Variants in TBC1D22A observed in about 807,000 individuals in gnomAD.
TBC1D22A encodes the protein putative GTPase activator.
Under a neutral mutation model 60.2 loss-of-function variants are expected in TBC1D22A, and 38 were observed. The ratio of observed to expected loss-of-function variants is 0.63; its 90% CI spans 0.49 to 0.83. TBC1D22A has a LOEUF of 0.83. Ranked by LOEUF, TBC1D22A falls within the 40% of genes least tolerant of loss-of-function variation. The pLI is 0.00. For synonymous variants in TBC1D22A, 302 were observed against 281.7 expected (o/e 1.07, Z -0.72); for missense variants, 628 against 701.0 (o/e 0.90, Z 1.18).
At chr22:47,001,930 T>C (rs190564069) in intron 10 of TBC1D22A, among the ~76,000 whole-genome samples, 7 of 152,238 alleles carry the variant, frequency 4.6e-5, no homozygotes, top group African/African-American at 1.4e-4. Context: ...TAATCTGTAT[T>C]ATCCTGCCTT....
intron 12 of TBC1D22A, among the ~76,000 whole-genome samples, chr22:47,126,638 A>G (rs542645098): frequency 1.3e-5 from 2 of 152,334 alleles, no homozygotes; most frequent in East Asian, 3.9e-4. Context: ...TTCTCTGGAA[A>G]CAGGAGTGAG....
intron 4 of TBC1D22A, among the ~76,000 whole-genome samples, chr22:46,801,725 T>C (rs2084905313): frequency 6.6e-6 from 1 of 152,084 alleles, no homozygotes; most frequent in African/African-American, 2.4e-5. Flanking sequence ...CCCTCAAGGC[T>C]TTCGAACGGT....
chr22:47,159,083 C>G (rs2067842070), intron 12 of TBC1D22A, among the ~76,000 whole-genome samples: 1 of 149,476 alleles, frequency 6.7e-6, no homozygotes, highest in Non-Finnish European at 1.5e-5. Flanking sequence ...ACAACACACA[C>G]CATGTATACA....
chr22:47,136,132 T>G (rs1055545065), intron 12 of TBC1D22A, among the ~76,000 whole-genome samples: 1 of 152,228 alleles, frequency 6.6e-6, no homozygotes, highest in Non-Finnish European at 1.5e-5. Flanking sequence ...CCTTGGATAC[T>G]CGGGGGCCAA....
At chr22:47,077,724 G>A (rs977191046) in intron 11 of TBC1D22A, among the ~76,000 whole-genome samples, 2 of 152,136 alleles carry the variant, frequency 1.3e-5, no homozygotes, top group African/African-American at 4.8e-5. Flanking sequence ...AGAAGCACGG[G>A]GACCATGGGA....
intron 4 of TBC1D22A, among the ~76,000 whole-genome samples, chr22:46,851,876 G>A (rs915947812): frequency 6.6e-6 from 1 of 152,212 alleles, no homozygotes; most frequent in African/African-American, 2.4e-5. Flanking sequence ...TGCCATGAAT[G>A]TCATGTTGGT....
At chr22:46,994,234 GCTAA>G (rs372110820) in intron 9 of TBC1D22A, among the ~76,000 whole-genome samples, 4 of 152,156 alleles carry the variant, frequency 2.6e-5, no homozygotes, top group South Asian at 2.1e-4. Context: ...TTTTATTTCT[GCTAA>G]CTGAGAGCCT....
At chr22:47,103,145 G>C (rs997293394) in intron 11 of TBC1D22A, among the ~76,000 whole-genome samples, 1 of 152,176 alleles carries the variant, frequency 6.6e-6, no homozygotes, top group Non-Finnish European at 1.5e-5. Flanking sequence ...CAGGCTCCTG[G>C]TAACCCAAGG....
In TBC1D22A at chr22:47,152,177, C is replaced by T. The variant is rs530119786; in HGVS notation, c.1426-21321C>T. Among the ~76,000 whole-genome samples, 9 of 152,356 alleles carry T rather than the reference C, an allele frequency of 5.9e-5. No homozygotes were observed. The South Asian group carries it at 1.9e-3, about 32-fold the overall frequency. ...TTAAGTGCTCTGAGATAAATTGTTA[C>T]TAATGTTGGGAAGCAGATCTTTTTG... On this transcript the variant is annotated intron_variant, in intron 12 of 12. Coordinates refer to ENST00000337137, the MANE Select transcript of TBC1D22A (RefSeq NM_014346.5).
intron 1 of TBC1D22A, among the ~76,000 whole-genome samples, chr22:46,785,242 T>C (rs2084108377): frequency 6.6e-6 from 1 of 152,172 alleles, no homozygotes; most frequent in African/African-American, 2.4e-5. Flanking sequence ...ATTCACTGAC[T>C]TGTCTAGCAG....
intron 10 of TBC1D22A, among the ~76,000 whole-genome samples, chr22:47,033,549 A>C (rs1199038636): frequency 6.6e-6 from 1 of 152,164 alleles, no homozygotes; most frequent in Non-Finnish European, 1.5e-5. Context: ...ACACCTGACC[A>C]GCTCACACCC....
intron 11 of TBC1D22A, among the ~76,000 whole-genome samples, chr22:47,096,334 C>T (rs34417145): frequency 3.2e-4 from 49 of 152,212 alleles, no homozygotes; most frequent in Non-Finnish European, 5.0e-4. Context: ...CGCTGAATGC[C>T]CCAGATTTTT....
intron 12 of TBC1D22A, among the ~76,000 whole-genome samples, chr22:47,151,956 A>G (rs762823668): frequency 2.6e-5 from 4 of 152,164 alleles, no homozygotes; most frequent in Non-Finnish European, 5.9e-5. Flanking sequence ...AGAAGGGCCC[A>G]CTGCAGAGGG....
intron 9 of TBC1D22A, among the ~76,000 whole-genome samples, chr22:46,986,172 C>G (rs1395530183): frequency 6.6e-6 from 1 of 152,106 alleles, no homozygotes; most frequent in Non-Finnish European, 1.5e-5. Flanking sequence ...CAGTTTTGTC[C>G]TATTTCACTT....
chr22:46,989,590 T>C (rs1468341456), intron 9 of TBC1D22A, among the ~76,000 whole-genome samples: 1 of 152,132 alleles, frequency 6.6e-6, no homozygotes, highest in African/African-American at 2.4e-5. Context: ...AGCGGGGCAG[T>C]TGGAACACAC....
chr22:47,039,816 C>T (rs1311664421), intron 11 of TBC1D22A, among the ~76,000 whole-genome samples: 1 of 151,362 alleles, frequency 6.6e-6, no homozygotes, highest in Non-Finnish European at 1.5e-5. Context: ...ATAGTGCTGG[C>T]ATCTGCTCGG....
At chr22:46,969,680 G>A (rs984439054) in intron 8 of TBC1D22A, among the ~76,000 whole-genome samples, 3 of 152,156 alleles carry the variant, frequency 2.0e-5, no homozygotes, top group Non-Finnish European at 4.4e-5. Flanking sequence ...TTCCCTTGGG[G>A]TTAGCCTGTG....
At chr22:46,971,139 C>G (rs77754318) in intron 8 of TBC1D22A, among the ~76,000 whole-genome samples, 5 of 152,214 alleles carry the variant, frequency 3.3e-5, no homozygotes, top group African/African-American at 1.2e-4. Context: ...TACTTCATTA[C>G]CTTGAAGAGT....
chr22:47,120,038 C>G (rs905621105), intron 12 of TBC1D22A, among the ~76,000 whole-genome samples: 27 of 152,080 alleles, frequency 1.8e-4, no homozygotes, highest in African/African-American at 6.5e-4. Context: ...ATAAAAATAC[C>G]ACTGGAATGT....
Sources: allele counts gnomAD v4.1 joint callset (sites outside exome capture counted in the v4.1 genomes callset), GRCh38; gene constraint gnomAD v4.1.1; transcripts MANE v1.5; gene names NCBI Gene and HGNC (gene_info 2026-07-23, HGNC 2026-07-21).